The following NAALADL2 variants were observed in gnomAD, a reference collection of about 807,000 sequenced individuals.
NAALADL2 encodes the protein inactive N-acetylated-alpha-linked acidic dipeptidase-like protein 2.
NAALADL2 carries 76 observed loss-of-function variants against 87.2 expected under a neutral mutation model. That is an observed-to-expected ratio of 0.87 (90% confidence interval 0.72 to 1.05). The LOEUF (loss-of-function observed/expected upper bound fraction) is 1.05, where lower values mean the gene tolerates loss of function less well. Ranked by LOEUF, NAALADL2 falls within the 50% of genes least tolerant of loss-of-function variation. The pLI, the probability that NAALADL2 is intolerant of heterozygous loss-of-function variation, is 0.00. For synonymous variants in NAALADL2, 354 were observed against 331.0 expected, an observed-to-expected ratio of 1.07 and a Z score of -0.75; for missense variants, 1,089 against 945.8, an observed-to-expected ratio of 1.15 and a Z score of -1.99.
At chr3:174,940,741 G>C (rs180986294) in intron 1 of NAALADL2, among the ~76,000 whole-genome samples, 164 of 152,182 alleles carry the variant, frequency 1.1e-3, no homozygotes, top group African/African-American at 3.9e-3. Flanking sequence ...GTTCAGTCTT[G>C]AGAGGTTGCT....
At chr3:174,787,081 C>T (rs1716767984) in intron 3 of NAALADL2, among the ~76,000 whole-genome samples, 1 of 151,246 alleles carries the variant, frequency 6.6e-6, no homozygotes, top group Non-Finnish European at 1.5e-5. Flanking sequence ...ATAATAAAAC[C>T]AAAGCAAATA....
intron 13 of NAALADL2, among the ~76,000 whole-genome samples, chr3:175,776,847 T>C (rs1179556908): frequency 6.6e-6 from 1 of 152,162 alleles, no homozygotes; most frequent in African/African-American, 2.4e-5. Flanking sequence ...ATATTTTTGC[T>C]TTTGGAACAA....
In NAALADL2 at chr3:175,645,700, T is replaced by C. The variant is rs906558020; in HGVS notation, c.1896+18314T>C. On this transcript the variant is annotated intron_variant, in intron 11 of 13. Transcript: ENST00000454872. ...CACTGGAAACTAGAGAACAAGGTAA[T>C]GGTGGTATAAGTCAGACAAGAGGAA... Among the ~76,000 whole-genome samples the C allele has an allele frequency of 2.6e-5, 4 of 152,098 alleles. No homozygotes were observed. The South Asian group carries it at 6.2e-4, about 24-fold the overall frequency.
chr3:175,796,850 GAA>G lies in NAALADL2; in HGVS notation c.2190-6151_2190-6150del, dbSNP rs549468022. Reference sequence around the variant, plus strand: ...TTTATGAATATAAGAAGGAACATTTGAAAAAGAGTCATTATTTCCATCATTAA... The same window carrying G: ...TTTATGAATATAAGAAGGAACATTTGAAAGAGTCATTATTTCCATCATTAA... On this transcript the variant is annotated intron_variant, in intron 13 of 13. Coordinates refer to ENST00000454872, the MANE Select transcript of NAALADL2 (RefSeq NM_207015.3). Among the ~76,000 whole-genome samples, 861 of 151,930 alleles carry G rather than the reference GAA, an allele frequency of 5.7e-3. 14 individuals carry two copies. Among genetic ancestry groups the G allele is most frequent in the African/African-American group, 0.019 (808 of 41,492 alleles).
At chr3:175,105,591 A>G (rs899624263) in intron 2 of NAALADL2, among the ~76,000 whole-genome samples, 3 of 148,892 alleles carry the variant, frequency 2.0e-5, no homozygotes, top group African/African-American at 7.4e-5. Context: ...CACATACACA[A>G]ATCCTAATCC....
chr3:175,010,110 AC>A (rs1749585589), intron 1 of NAALADL2, among the ~76,000 whole-genome samples: 1 of 151,948 alleles, frequency 6.6e-6, no homozygotes, highest in Non-Finnish European at 1.5e-5. Context: ...GATTAACTCC[AC>A]ACAAAATATT....
At chr3:175,094,927 C>T (rs1720862128) in intron 1 of NAALADL2, among the ~76,000 whole-genome samples, 1 of 151,990 alleles carries the variant, frequency 6.6e-6, no homozygotes, top group Non-Finnish European at 1.5e-5. Context: ...CTATCCACTA[C>T]TCAATAGATG....
intron 3 of NAALADL2, among the ~76,000 whole-genome samples, chr3:174,803,601 AG>A (rs199557051): frequency 0.1 from 15,821 of 152,130 alleles, 1,129 homozygotes; most frequent in Non-Finnish European, 0.15. Flanking sequence ...TTATGGTCTT[AG>A]GTCTTACATT....
At chr3:175,341,191 C>A (rs537423390) in intron 5 of NAALADL2, among the ~76,000 whole-genome samples, 1 of 152,136 alleles carries the variant, frequency 6.6e-6, no homozygotes, top group African/African-American at 2.4e-5. Context: ...CTGGCAACTA[C>A]TAATCACTGC....
At chr3:175,234,461 CT>C (rs1745492458) in intron 3 of NAALADL2, among the ~76,000 whole-genome samples, 2 of 152,122 alleles carry the variant, frequency 1.3e-5, no homozygotes, top group African/African-American at 4.8e-5. Context: ...ACATTTTGCT[CT>C]GTCCATATAG....
At chr3:174,622,981 T>G (rs1480529357) in intron 2 of NAALADL2, among the ~76,000 whole-genome samples, 4 of 152,104 alleles carry the variant, frequency 2.6e-5, no homozygotes, top group African/African-American at 9.7e-5. Context: ...AGGCGGAGCT[T>G]GCAGTGAGCC....
intron 2 of NAALADL2, among the ~76,000 whole-genome samples, chr3:175,136,814 A>G (rs747747986): frequency 1.3e-5 from 2 of 152,170 alleles, no homozygotes; most frequent in East Asian, 1.9e-4. Context: ...TTAAGAGGTC[A>G]CAGTGACCTT....
intron 1 of NAALADL2, chr3:175,081,222 A>C (rs2109240693): frequency 6.6e-6 from 1 of 152,304 alleles, no homozygotes; most frequent in South Asian, 2.1e-4. Context: ...AACAAGACAA[A>C]ATTTCTATAA....
intron 2 of NAALADL2, among the ~76,000 whole-genome samples, chr3:175,127,598 C>T (rs1347283830): frequency 3.9e-5 from 6 of 152,266 alleles, no homozygotes; most frequent in Admixed American, 3.9e-4. Flanking sequence ...CTTAATTACA[C>T]ATTTTGTGAC....
intron 5 of NAALADL2, among the ~76,000 whole-genome samples, chr3:175,422,655 G>A (rs920207929): frequency 3.2e-4 from 43 of 132,400 alleles, no homozygotes; most frequent in Non-Finnish European, 6.8e-4. Flanking sequence ...ATCTGCTAAA[G>A]AGACTGCAGA....
chr3:175,494,491 T>A (rs1728539819), intron 9 of NAALADL2, among the ~76,000 whole-genome samples: 1 of 152,088 alleles, frequency 6.6e-6, no homozygotes, highest in Admixed American at 6.6e-5. Flanking sequence ...TTACAAACTT[T>A]CAACAGCTCT....
At chr3:175,111,535 C>G (rs1016748044) in intron 2 of NAALADL2, among the ~76,000 whole-genome samples, 5 of 151,618 alleles carry the variant, frequency 3.3e-5, no homozygotes, top group Non-Finnish European at 5.9e-5. Context: ...TATCAACTTA[C>G]GATCTTTTTC....
At chr3:175,780,557 T>A (rs1750912284) in intron 13 of NAALADL2, among the ~76,000 whole-genome samples, 1 of 151,630 alleles carries the variant, frequency 6.6e-6, no homozygotes, top group Admixed American at 6.6e-5. Flanking sequence ...AGATGCTTTA[T>A]GTGTTAATAA....
intron 12 of NAALADL2, among the ~76,000 whole-genome samples, chr3:175,752,486 A>C (rs1217804708): frequency 2.0e-5 from 3 of 152,172 alleles, no homozygotes; most frequent in Non-Finnish European, 4.4e-5. Flanking sequence ...TTAAAAGAAC[A>C]AGCAAGCTCT....
Sources: allele counts gnomAD v4.1 joint callset (sites outside exome capture counted in the v4.1 genomes callset), GRCh38; gene constraint gnomAD v4.1.1; transcripts MANE v1.5; gene names NCBI Gene and HGNC (gene_info 2026-07-23, HGNC 2026-07-21).